Variants in RALYL observed in about 807,000 individuals in gnomAD.
RALYL encodes RNA-binding Raly-like protein.
Under a neutral mutation model 35.1 loss-of-function variants are expected in RALYL, and 29 were observed. That is an observed-to-expected ratio of 0.83 (90% confidence interval 0.61 to 1.13). The LOEUF (loss-of-function observed/expected upper bound fraction) is 1.13. Ranked by LOEUF, RALYL falls within the 50% of genes most tolerant of loss-of-function variation. The pLI is 0.00. For synonymous variants in RALYL, 120 were observed against 127.6 expected (o/e 0.94, Z 0.40); for missense variants, 359 against 360.4 (o/e 1.00, Z 0.03).
At chr8:84,587,910 T>C (rs552395914) in intron 2 of RALYL, among the ~76,000 whole-genome samples, 2 of 152,196 alleles carry the variant, frequency 1.3e-5, no homozygotes, top group African/African-American at 4.8e-5. Context: ...GCACCTATAA[T>C]AGAAGGCCAA....
intron 5 of RALYL, among the ~76,000 whole-genome samples, chr8:84,850,752 G>A (rs1167829877): frequency 1.3e-5 from 2 of 152,202 alleles, no homozygotes; most frequent in African/African-American, 4.8e-5. Context: ...AGGATACGGA[G>A]TAGGCATCTG....
intron 2 of RALYL, among the ~76,000 whole-genome samples, chr8:84,639,284 C>T (rs1825824622): frequency 6.6e-6 from 1 of 151,704 alleles, no homozygotes; most frequent in Non-Finnish European, 1.5e-5. Flanking sequence ...AAAGAAAAAC[C>T]ATATGGCAGT....
intron 7 of RALYL, among the ~76,000 whole-genome samples, chr8:84,878,416 C>T (rs771671180): frequency 1.3e-4 from 20 of 152,216 alleles, no homozygotes; most frequent in Admixed American, 5.9e-4. Context: ...TAAGGAATCA[C>T]TCAGCCAGAC....
intron 2 of RALYL, among the ~76,000 whole-genome samples, chr8:84,728,157 A>T (rs1193698357): frequency 1.3e-5 from 2 of 151,460 alleles, no homozygotes; most frequent in African/African-American, 2.4e-5. Context: ...CTTTTTAATG[A>T]TTGCCATTCT....
At chr8:84,836,406 C>A (rs939116320) in intron 4 of RALYL, among the ~76,000 whole-genome samples, 1 of 152,170 alleles carries the variant, frequency 6.6e-6, no homozygotes, top group Non-Finnish European at 1.5e-5. Context: ...GCGAGGAACT[C>A]TGTGAAGATA....
chr8:84,876,937 C>G (rs547858195), intron 7 of RALYL, among the ~76,000 whole-genome samples: 2 of 152,018 alleles, frequency 1.3e-5, no homozygotes, highest in Non-Finnish European at 2.9e-5. Context: ...AAATATTGAA[C>G]TTTTCAATAC....
At chr8:84,820,856 A>G (rs1407743082) in intron 4 of RALYL, among the ~76,000 whole-genome samples, 2 of 152,200 alleles carry the variant, frequency 1.3e-5, no homozygotes, top group Non-Finnish European at 2.9e-5. Flanking sequence ...CTGAATGTGT[A>G]TATGAATAAA....
chr8:84,325,532 G>A (rs1428652538), intron 1 of RALYL, among the ~76,000 whole-genome samples: 1 of 152,190 alleles, frequency 6.6e-6, no homozygotes, highest in Non-Finnish European at 1.5e-5. Flanking sequence ...TGATTTGACA[G>A]TCTCAAAGAT....
intron 2 of RALYL, among the ~76,000 whole-genome samples, chr8:84,571,386 T>C (rs1024952935): frequency 6.6e-6 from 1 of 151,898 alleles, no homozygotes; most frequent in African/African-American, 2.4e-5. Flanking sequence ...CTTTAGGTTT[T>C]CTAGTTTTTG....
intron 4 of RALYL, among the ~76,000 whole-genome samples, chr8:84,849,029 T>C (rs1225339630): frequency 1.3e-5 from 2 of 152,188 alleles, no homozygotes; most frequent in Non-Finnish European, 2.9e-5. Flanking sequence ...CTTAGGTCTG[T>C]TGCACCTTAA....
chr8:84,832,365 C>T (rs1831094847), intron 4 of RALYL, among the ~76,000 whole-genome samples: 1 of 152,068 alleles, frequency 6.6e-6, no homozygotes, highest in African/African-American at 2.4e-5. Flanking sequence ...TTATAGGTTG[C>T]TCTTTTTCTA....
chr8:84,479,904 A>G (rs994038649), intron 1 of RALYL, among the ~76,000 whole-genome samples: 5 of 152,202 alleles, frequency 3.3e-5, no homozygotes, highest in African/African-American at 1.2e-4. Context: ...TGTAATGTCC[A>G]GCAGTAAGTT....
In RALYL at chr8:84,849,993, G is replaced by T. The variant is rs1380511935; in HGVS notation, c.379G>T (p.Asp127Tyr). ...TTCCCTCTTTAGCGGTTATGTCTTT[G>T]ACTATGATTACTACAGAGATGATTT... ...PFLSVGGYVF[D>Y]YDYYRDDFYN... Residue 127 changes from aspartate (D) to tyrosine (Y), a missense_variant, in exon 5 of 9, where the codon GAC becomes TAC. By Grantham distance (160) the Asp-to-Tyr change is radical. Coordinates refer to ENST00000521268, the MANE Select transcript of RALYL (RefSeq NM_173848.7). 6 of 1,494,570 alleles carry T rather than the reference G, an allele frequency of 4.0e-6. No homozygotes were observed. Among genetic ancestry groups the T allele is most frequent in the South Asian group, 2.8e-5 (2 of 72,458 alleles). The allele number at this position is 1,494,570 out of a possible 1,614,324, so 92.6% of individuals were successfully genotyped here.
Position 84,688,898 on chromosome 8 carries a change from G to A in RALYL, c.257-85681G>A, listed in dbSNP as rs60158016. On this transcript the variant is annotated intron_variant, in intron 2 of 8. Transcript: ENST00000521268. ...CAGCAAATAATCTGATTAAGAAATG[G>A]TTAAAGGGATGTCGAAAGAATTTCT... Among the ~76,000 whole-genome samples, 800 of 152,012 alleles carry A rather than the reference G, an allele frequency of 5.3e-3. 7 individuals are homozygous for A. The highest frequency in any genetic ancestry group is 0.018 in the African/African-American group (761 of 41,470).
At chr8:84,431,201 T>G (rs1254715278) in intron 1 of RALYL, among the ~76,000 whole-genome samples, 1 of 151,962 alleles carries the variant, frequency 6.6e-6, no homozygotes, top group Non-Finnish European at 1.5e-5. Context: ...TTAAGCCTCC[T>G]TCCACTGGGG....
At chr8:84,582,921 A>G (rs577633288) in intron 2 of RALYL, among the ~76,000 whole-genome samples, 20 of 152,098 alleles carry the variant, frequency 1.3e-4, no homozygotes, top group Admixed American at 1.3e-3. Flanking sequence ...ACTAAAAGTT[A>G]GATATAGTTT....
chr8:84,805,059 T>A (rs1158854729), intron 4 of RALYL, among the ~76,000 whole-genome samples: 1 of 152,190 alleles, frequency 6.6e-6, no homozygotes, highest in Non-Finnish European at 1.5e-5. Flanking sequence ...ACAGTGATCA[T>A]CCATATTCTC....
intron 1 of RALYL, among the ~76,000 whole-genome samples, chr8:84,360,227 T>A (rs1453988971): frequency 6.6e-6 from 1 of 152,206 alleles, no homozygotes; most frequent in Admixed American, 6.6e-5. Context: ...TCCTTTGAAC[T>A]TTTTAGAGAT....
intron 2 of RALYL, among the ~76,000 whole-genome samples, chr8:84,688,233 G>T (rs1837243171): frequency 6.6e-6 from 1 of 151,904 alleles, no homozygotes; most frequent in Non-Finnish European, 1.5e-5. Context: ...AATTTATTTG[G>T]AAGAGGCCTT....
Sources: gnomAD v4.1 joint callset for allele counts (sites outside exome capture counted in the v4.1 genomes callset) on GRCh38, gnomAD v4.1.1 for gene constraint, MANE v1.5 for transcripts, NCBI Gene and HGNC (gene_info 2026-07-23, HGNC 2026-07-21) for gene names.